Variants in LRP5 observed in about 807,000 individuals in gnomAD.
The protein encoded by LRP5 is low-density lipoprotein receptor-related protein 5.
In LRP5, 62 loss-of-function variants were observed where a neutral mutation model predicts 154.1. The observed-to-expected ratio is 0.40, with a 90% confidence interval of 0.33 to 0.50. The LOEUF is 0.50. LRP5 is among the 20% of genes least tolerant of loss of function. The pLI is 0.55. For missense variants in LRP5, 1,915 were observed against 2,336.7 expected (o/e 0.82, Z 3.72); for synonymous variants, 966 against 1,011.5 (o/e 0.96, Z 0.85).
chr11:68,406,587 C>G lies in LRP5; in HGVS notation c.1865C>G (p.Ala622Gly). 6.2e-7 allele frequency: 1 copy of G among 1,614,218 alleles called. No homozygotes were observed. The highest frequency in any genetic ancestry group is 1.1e-5 in the South Asian group (1 of 91,090). ...CACCTGTGCTTCTTCACACCCCACG[C>G]AACCCGGTGTGGCTGCCCCATCGGC... ...CSHLCFFTPHATRCGCPIGLE... is the reference protein window; with the variant it reads ...CSHLCFFTPHGTRCGCPIGLE... Residue 622 changes from alanine to glycine, a missense_variant, in exon 9 of 23, where the codon GCA becomes GGA. By Grantham distance (60) the Ala-to-Gly change is moderately conservative. Coordinates refer to ENST00000294304, the MANE Select transcript of LRP5 (RefSeq NM_002335.4).
At chr11:68,405,223 T>C (rs1218793797) in intron 8 of LRP5, among the ~76,000 whole-genome samples, 2 of 151,784 alleles carry the variant, frequency 1.3e-5, no homozygotes, top group Non-Finnish European at 2.9e-5. Flanking sequence ...TCCCAGAACT[T>C]TGGAAGACTG....
At chr11:68,379,473 G>A (rs1214919007) in intron 5 of LRP5, among the ~76,000 whole-genome samples, 2 of 152,154 alleles carry the variant, frequency 1.3e-5, no homozygotes, top group East Asian at 1.9e-4. Flanking sequence ...TTCCAGAAGC[G>A]GGAGATGCCC....
At chr11:68,375,557 G>A (rs1047870418) in intron 5 of LRP5, among the ~76,000 whole-genome samples, 1 of 152,164 alleles carries the variant, frequency 6.6e-6, no homozygotes, top group Non-Finnish European at 1.5e-5. Flanking sequence ...CTCCGCCCGT[G>A]CGCAGCCCTC....
intron 20 of LRP5, among the ~76,000 whole-genome samples, chr11:68,439,310 C>T (rs551053432): frequency 1.8e-4 from 28 of 152,334 alleles, no homozygotes; most frequent in Middle Eastern, 3.4e-3. Flanking sequence ...TTCCCTCTCC[C>T]CTGTCCTGTC....
chr11:68,405,958 C>T (rs1453007157), intron 8 of LRP5, among the ~76,000 whole-genome samples: 3 of 152,240 alleles, frequency 2.0e-5, no homozygotes, highest in Non-Finnish European at 4.4e-5. Flanking sequence ...TGGGCCAGAT[C>T]GCAGGCCCGG....
chr11:68,376,583 C>T (rs569022629), intron 5 of LRP5, among the ~76,000 whole-genome samples: 47 of 152,324 alleles, frequency 3.1e-4, no homozygotes, highest in African/African-American at 4.1e-4. Flanking sequence ...GCGTCCTGGC[C>T]GGCCCCCAAG....
At chr11:68,366,464 G>T (rs1426885681) in intron 5 of LRP5, among the ~76,000 whole-genome samples, 1 of 152,124 alleles carries the variant, frequency 6.6e-6, no homozygotes, top group Non-Finnish European at 1.5e-5. Context: ...GCACATGGGG[G>T]TCCTGACTTT....
intron 5 of LRP5, 68 bp downstream of exon 5, chr11:68,365,770 C>G: frequency 5.6e-6 from 8 of 1,434,296 alleles, no homozygotes; most frequent in Non-Finnish European, 7.5e-6. Context: ...TTGCGGCCGC[C>G]GGGGGTGCCC....
chr11:68,387,358 A>C (rs1246957214), intron 6 of LRP5, among the ~76,000 whole-genome samples: 1 of 151,522 alleles, frequency 6.6e-6, no homozygotes, highest in African/African-American at 2.4e-5. Flanking sequence ...CAGGTGATCC[A>C]CCTGCCTCAG....
chr11:68,346,893 C>T (rs551494232), intron 1 of LRP5, among the ~76,000 whole-genome samples: 2 of 152,314 alleles, frequency 1.3e-5, no homozygotes, highest in Admixed American at 6.5e-5. Context: ...CCTGGTCCGA[C>T]GTCTGAGGTG....
Position 68,424,973 on chromosome 11 carries a change from G to A in LRP5, c.3237-129G>A, listed in dbSNP as rs184913748. ...GAGCATTGTTCAACTAGTATAGAAT[G>A]TGACCTGTCAGCCTCGGGCAGCCCT... On this transcript the variant is annotated intron_variant, in intron 14 of 22. Coordinates refer to ENST00000294304, the MANE Select transcript of LRP5 (RefSeq NM_002335.4). The A allele has an allele frequency of 4.3e-5, 31 of 717,296 alleles. No individual in the cohort carries two copies. The African/African-American group carries it at 4.7e-4, about 11-fold the overall frequency. The allele number at this position is 717,296 out of a possible 1,614,324, so 44.4% of individuals were successfully genotyped here. A position where few individuals can be genotyped will look rare whatever the true frequency, so the allele number is the denominator to read the frequency against.
chr11:68,395,489 G>A (rs923656428), intron 7 of LRP5, among the ~76,000 whole-genome samples: 3 of 152,002 alleles, frequency 2.0e-5, no homozygotes, highest in African/African-American at 7.3e-5. Flanking sequence ...GAGTGATGGC[G>A]CAGGGCACGG....
At chr11:68,299,197 G>A in the LRP5 span, among the ~76,000 whole-genome samples, 5 of 152,206 alleles carry the variant, frequency 3.3e-5, no homozygotes, top group African/African-American at 1.2e-4. Context: ...GGCAGGGCCT[G>A]GAGGCCCCAC....
intron 8 of LRP5, chr11:68,404,399 C>T (rs1367557738): frequency 2.0e-6 from 1 of 512,676 alleles, no homozygotes; most frequent in Non-Finnish European, 3.8e-6. Context: ...CTTGCTGCTG[C>T]ATTGCCTGCA....
At chr11:68,337,718 A>G (rs751195872) in intron 1 of LRP5, among the ~76,000 whole-genome samples, 2 of 140,556 alleles carry the variant, frequency 1.4e-5, no homozygotes, top group South Asian at 2.3e-4. Context: ...AGTCAGGTCT[A>G]CCTCCTCCAA....
chr11:68,308,390 T>C (rs1591155595), upstream of LRP5, among the ~76,000 whole-genome samples: 1 of 152,220 alleles, frequency 6.6e-6, no homozygotes. Flanking sequence ...CCGGAAGCAA[T>C]GAGATTGGAC....
At chr11:68,391,844 C>T (rs1201556842) in intron 7 of LRP5, among the ~76,000 whole-genome samples, 3 of 152,222 alleles carry the variant, frequency 2.0e-5, no homozygotes, top group African/African-American at 7.2e-5. Flanking sequence ...TGTACTGTCT[C>T]AGCAGTGGTT....
At chr11:68,366,576 C>G (rs1243941414) in intron 5 of LRP5, among the ~76,000 whole-genome samples, 1 of 152,020 alleles carries the variant, frequency 6.6e-6, no homozygotes, top group Non-Finnish European at 1.5e-5. Context: ...GCGTGTGGGT[C>G]TTTTCTCTGC....
rs2098644891 is a variant in LRP5, at chr11:68,389,280, C to T, written c.1413-601C>T. 2.6e-5 allele frequency among the ~76,000 whole-genome samples: 3 copies of T among 116,138 alleles called. No homozygotes were observed. In the Admixed American group the frequency reaches 2.8e-4, roughly 11 times the overall value. The allele number at this position is 116,138 out of a possible 152,430, so 76.2% of individuals were successfully genotyped here. On this transcript the variant is annotated intron_variant, in intron 6 of 22. Transcript: ENST00000294304. ...GACATTTACCAACACTGACATTTAC[C>T]AACACTGACATTTACCGACATTGAC...
Sources: allele counts gnomAD v4.1 joint callset (sites outside exome capture counted in the v4.1 genomes callset), GRCh38; gene constraint gnomAD v4.1.1; transcripts MANE v1.5; gene names NCBI Gene and HGNC (gene_info 2026-07-23, HGNC 2026-07-21).